PCTP: variants seen among roughly 807,000 people sequenced by gnomAD.
PCTP encodes phosphatidylcholine transfer protein, also known as START domain-containing protein 2.
PCTP carries 27 observed loss-of-function variants against 31.0 expected under a neutral mutation model. That is an observed-to-expected ratio of 0.87 (90% CI 0.64 to 1.20). PCTP has a LOEUF of 1.20. Ranked by LOEUF, PCTP falls within the 50% of genes most tolerant of loss-of-function variation. The pLI is 0.00. For missense variants in PCTP, 287 were observed against 268.2 expected (o/e 1.07, Z -0.49); for synonymous variants, 108 against 101.2 (o/e 1.07, Z -0.40).
Position 55,758,407 on chromosome 17 carries a change from C to A in PCTP, c.141+7163C>A, listed in dbSNP as rs139180050. 3.4e-4 allele frequency among the ~76,000 whole-genome samples: 51 copies of A among 152,182 alleles called. 1 individual carries two copies. The South Asian group carries it at 0.01, about 31-fold the overall frequency. Reference sequence around the variant, plus strand: ...CAGGCTGGGCTGAGAGAAAGTTTGGCCTTTAGAGAGAAACACAGATCCATC... The same window carrying A: ...CAGGCTGGGCTGAGAGAAAGTTTGGACTTTAGAGAGAAACACAGATCCATC... On this transcript the variant is annotated intron_variant, in intron 1 of 5. Transcript: ENST00000268896.
At chr17:55,805,041 A>G (rs1912531699) in intron 3 of PCTP, among the ~76,000 whole-genome samples, 1 of 152,172 alleles carries the variant, frequency 6.6e-6, no homozygotes, top group Non-Finnish European at 1.5e-5. Context: ...AAATTTGTAA[A>G]GCAAAAATTG....
chr17:55,832,271 C>G (rs1241656639), intron 5 of PCTP, among the ~76,000 whole-genome samples: 1 of 152,162 alleles, frequency 6.6e-6, no homozygotes, highest in Non-Finnish European at 1.5e-5. Context: ...ATCTGTATTC[C>G]TTAGTACCTA....
At chr17:55,817,761 G>A (rs577303740) in intron 3 of PCTP, among the ~76,000 whole-genome samples, 19 of 152,294 alleles carry the variant, frequency 1.2e-4, no homozygotes, top group South Asian at 8.3e-4. Context: ...AGAAAATGTC[G>A]CACCTTTTAA....
chr17:55,781,757 G>A (rs1229644097), downstream of PCTP, among the ~76,000 whole-genome samples: 1 of 150,724 alleles, frequency 6.6e-6, no homozygotes, highest in East Asian at 1.9e-4. Context: ...ACATGTACAG[G>A]TTTGTAGCCT....
At chr17:55,806,132 CTAT>C (rs1757684842) in intron 3 of PCTP, among the ~76,000 whole-genome samples, 1 of 151,866 alleles carries the variant, frequency 6.6e-6, no homozygotes, top group African/African-American at 2.4e-5. Context: ...TCACAGAGTC[CTAT>C]TATTAGAAAA....
At chr17:55,757,195 CAT>C (rs892653988) in intron 1 of PCTP, among the ~76,000 whole-genome samples, 5 of 151,028 alleles carry the variant, frequency 3.3e-5, no homozygotes, top group African/African-American at 1.2e-4. Flanking sequence ...TATACACACA[CAT>C]GCTTGTGTGT....
intron 3 of PCTP, among the ~76,000 whole-genome samples, chr17:55,818,170 G>T (rs1027732650): frequency 1.1e-4 from 17 of 152,242 alleles, no homozygotes; most frequent in African/African-American, 4.1e-4. Context: ...GGGGGAGGCA[G>T]TTGGCTGAGA....
chr17:55,812,559 C>A (rs939061528), intron 3 of PCTP, among the ~76,000 whole-genome samples: 6 of 152,134 alleles, frequency 3.9e-5, no homozygotes, highest in Admixed American at 3.3e-4. Context: ...AGTGTGAGGT[C>A]AATGATTTGA....
chr17:55,774,995 T>C (rs1911250635), intron 5 of PCTP, 136 bp downstream of exon 5: 1 of 1,010,796 alleles, frequency 9.9e-7, no homozygotes, highest in Non-Finnish European at 1.5e-6. Flanking sequence ...AAGAGTTTGG[T>C]TGAGTGACTC....
intron 2 of PCTP, chr17:55,769,137 A>G (rs1457136122): frequency 6.6e-6 from 1 of 152,192 alleles, no homozygotes; most frequent in East Asian, 1.9e-4. Context: ...CATGGCCAAG[A>G]TGTCTGCCAG....
Position 55,776,366 on chromosome 17 carries a change from G to A in PCTP, c.*266G>A. The A allele has an allele frequency of 2.3e-6, 3 of 1,320,744 alleles. No individual in the cohort carries two copies. Among genetic ancestry groups the A allele is most frequent in the South Asian group, 4.9e-5 (2 of 41,216 alleles). 81.8% of individuals were successfully genotyped at this position (1,320,744 alleles called of 1,614,324 possible). ...CTGGGCTGGGCTGCCTTCTTCTACA[G>A]TTCAATATGGGGCAGACTAGGGAAA... is the stretch of plus-strand genomic sequence containing the variant. On this transcript the variant is annotated 3_prime_UTR_variant, in exon 6 of 6. Transcript: ENST00000268896.
In PCTP at chr17:55,774,832, GT is replaced by G. The variant is rs773817272; in HGVS notation, c.553del (p.Ser185ProfsTer16). The G allele has an allele frequency of 2.0e-6, 3 of 1,521,930 alleles. No homozygotes were observed. The South Asian group carries it at 3.3e-5, about 17-fold the overall frequency. The allele number at this position is 1,521,930 out of a possible 1,614,324, so 94.3% of individuals were successfully genotyped here. A position where few individuals can be genotyped will look rare whatever the true frequency, so the allele number is the denominator to read the frequency against. On this transcript the variant is annotated frameshift_variant, in exon 5 of 6. Transcript: ENST00000268896. LOFTEE classifies it high-confidence loss of function. Reference sequence around the variant, plus strand: ...TCGATAACCCGGGTGGCCAAATTCCGTCCTGGCTCATTAACTGGGCCGCCAA... The same window carrying G: ...TCGATAACCCGGGTGGCCAAATTCCGCCTGGCTCATTAACTGGGCCGCCAA... The part of the protein sequence containing the change: ...YFDNPGGQIP[S>X]WLINWAAKNG...
intron 3 of PCTP, among the ~76,000 whole-genome samples, chr17:55,816,863 C>A (rs185746525): frequency 6.6e-6 from 1 of 152,300 alleles, no homozygotes; most frequent in East Asian, 1.9e-4. Context: ...AGAACGTTTG[C>A]TAAATGTTGT....
chr17:55,759,929 A>G (rs1487054518), intron 1 of PCTP, among the ~76,000 whole-genome samples: 2 of 152,222 alleles, frequency 1.3e-5, no homozygotes, highest in Non-Finnish European at 2.9e-5. Context: ...AAATAAGTGT[A>G]CTGTTGACAA....
chr17:55,754,772 A>G (rs781390742), intron 1 of PCTP, among the ~76,000 whole-genome samples: 15 of 152,112 alleles, frequency 9.9e-5, no homozygotes, highest in Non-Finnish European at 1.2e-4. Flanking sequence ...AAGTGCACCA[A>G]CGTACAAAAG....
downstream of PCTP, among the ~76,000 whole-genome samples, chr17:55,823,557 T>C (rs540465824): frequency 1.3e-3 from 205 of 152,286 alleles, 1 homozygote; most frequent in South Asian, 5.4e-3. Flanking sequence ...GGAAAGTAAA[T>C]ATATAAATTA....
At chr17:55,751,498 T>C (rs1909711672) in intron 1 of PCTP, 1 of 1,519,108 alleles carries the variant, frequency 6.6e-7, no homozygotes, top group South Asian at 1.2e-5. Flanking sequence ...ACGGGGCATG[T>C]AGTTAGAAGT....
chr17:55,796,375 A>G (rs934214944), intron 3 of PCTP, among the ~76,000 whole-genome samples: 1 of 151,990 alleles, frequency 6.6e-6, no homozygotes, highest in Admixed American at 6.6e-5. Context: ...GTGGAGATGA[A>G]AGAGAGGAGA....
Position 55,777,136 on chromosome 17 carries a change from T to G in PCTP, c.*1036T>G. On this transcript the variant is annotated 3_prime_UTR_variant, in exon 6 of 6. Coordinates refer to ENST00000268896, the MANE Select transcript of PCTP (RefSeq NM_021213.4). ...ACCACCAAAAAGACTTTTAGTTTTC[T>G]ATGCTTTCTCCTGAATTTTGGTAGG... 1 of 985,900 alleles carries G rather than the reference T, an allele frequency of 1.0e-6. No homozygotes were observed. Among genetic ancestry groups the G allele is most frequent in the Non-Finnish European group, 1.2e-6 (1 of 829,938 alleles). 61.1% of individuals were successfully genotyped at this position (985,900 alleles called of 1,614,324 possible).
Sources: allele counts gnomAD v4.1 joint callset (sites outside exome capture counted in the v4.1 genomes callset), GRCh38; gene constraint gnomAD v4.1.1; transcripts MANE v1.5; gene names NCBI Gene and HGNC (gene_info 2026-07-23, HGNC 2026-07-21).